The following PTK2 variants were observed in gnomAD, a reference collection of about 807,000 sequenced individuals.
PTK2 encodes the protein protein tyrosine kinase 2.
A neutral mutation model predicts 150.1 loss-of-function variants in PTK2; 45 were observed. The ratio of observed to expected loss-of-function variants is 0.30; its 90% CI spans 0.24 to 0.38. The LOEUF (loss-of-function observed/expected upper bound fraction) is 0.38, where lower values mean the gene tolerates loss of function less well. Ranked by LOEUF, PTK2 falls within the 10% of genes least tolerant of loss-of-function variation. The probability of loss-of-function intolerance (pLI) is 1.00; values close to 1 mark genes in which losing one functional copy is unlikely to be tolerated. For synonymous variants in PTK2, 432 were observed against 449.2 expected (o/e 0.96, Z 0.48); for missense variants, 919 against 1,307.3 (o/e 0.70, Z 4.58).
intron 2 of PTK2, among the ~76,000 whole-genome samples, chr8:140,920,483 A>C (rs909356286): frequency 1.3e-5 from 2 of 152,196 alleles, no homozygotes; most frequent in Non-Finnish European, 2.9e-5. Flanking sequence ...TTTAAGTTAA[A>C]ATTCCTCTTT....
chr8:140,775,937 C>T (rs533065773), intron 14 of PTK2, among the ~76,000 whole-genome samples: 1 of 152,268 alleles, frequency 6.6e-6, no homozygotes, highest in East Asian at 1.9e-4. Context: ...GCACCTAAAC[C>T]ACTAAAATAT....
At position 140,925,670 on chromosome 8, in the gene PTK2, G is replaced by A. The variant is rs746033794; in HGVS notation, c.-42C>T. The A allele has an allele frequency of 4.0e-4, 392 of 984,966 alleles. No homozygotes were observed. Among genetic ancestry groups the A allele is most frequent in the Non-Finnish European group, 4.4e-4 (367 of 829,738 alleles). The allele number at this position is 984,966 out of a possible 1,614,324, so 61.0% of individuals were successfully genotyped here. A position where few individuals can be genotyped will look rare whatever the true frequency, so the allele number is the denominator to read the frequency against. On this transcript the variant is annotated 5_prime_UTR_variant, in exon 2 of 32. It adds an upstream start codon to the 5' untranslated region. Transcript: ENST00000522684. ...TTAACCATTACTATACCTCCCTTCC[G>A]TTATTCTTGAGGAGCTCTGGGGAAA...
intron 2 of PTK2, among the ~76,000 whole-genome samples, chr8:140,906,191 C>T (rs1051601502): frequency 6.6e-6 from 1 of 151,842 alleles, no homozygotes. Flanking sequence ...AGTTGTAATA[C>T]CTATTATAAA....
chr8:140,725,978 A>G (rs566245052), intron 22 of PTK2, among the ~76,000 whole-genome samples: 1 of 152,336 alleles, frequency 6.6e-6, no homozygotes, highest in Admixed American at 6.5e-5. Flanking sequence ...CAAGGGTATA[A>G]AAGAAAATTT....
intron 22 of PTK2, among the ~76,000 whole-genome samples, chr8:140,732,994 T>C (rs774011477): frequency 2.0e-5 from 3 of 152,202 alleles, no homozygotes; most frequent in Non-Finnish European, 2.9e-5. Flanking sequence ...GAGGCCTAAA[T>C]GTTACTGTGG....
chr8:140,846,284 T>C, exon 7 of PTK2: 1 of 1,612,440 alleles, frequency 6.2e-7, no homozygotes, highest in Non-Finnish European at 8.5e-7. Context: ...GTTAGACTTC[T>C]TTTCTAGTGC....
intron 21 of PTK2, among the ~76,000 whole-genome samples, chr8:140,736,356 C>A (rs4537349): frequency 0.026 from 4,024 of 152,130 alleles, 159 homozygotes; most frequent in African/African-American, 0.091. Context: ...GAACAACAGA[C>A]AGCAGGGAAT....
At chr8:140,739,136 T>G (rs2100054226) in intron 20 of PTK2, 29 bp from the exon 24 acceptor site, 2 of 1,445,786 alleles carry the variant, frequency 1.4e-6, no homozygotes, top group Admixed American at 2.1e-5. Flanking sequence ...AAAATAAATT[T>G]TCCTTGTTAT....
At chr8:140,927,597 C>G (rs1402038900) in intron 1 of PTK2, among the ~76,000 whole-genome samples, 2 of 152,058 alleles carry the variant, frequency 1.3e-5, no homozygotes, top group Non-Finnish European at 2.9e-5. Context: ...GAAAAATCAA[C>G]AATATACATT....
At chr8:140,675,162 TTC>T (rs2100012881) in intron 28 of PTK2, among the ~76,000 whole-genome samples, 1 of 150,270 alleles carries the variant, frequency 6.7e-6, no homozygotes, top group Non-Finnish European at 1.5e-5. Context: ...AAGGAGGCAT[TTC>T]TTTCTTTTTT....
At chr8:140,779,240 C>A in intron 14 of PTK2, among the ~76,000 whole-genome samples, 1 of 120,916 alleles carries the variant, frequency 8.3e-6, no homozygotes, top group Admixed American at 9.8e-5. Flanking sequence ...CCAGCCTGGG[C>A]GATGGAAAAA....
rs2100033792 is a variant in PTK2 at position 140,706,328 on chromosome 8, A to C, written c.2143-123T>G. On this transcript the variant is annotated intron_variant, in intron 23 of 31. Coordinates refer to ENST00000522684, the Ensembl canonical transcript of PTK2. ...TGAAAAGAATGATAAAAAGATGCTA[A>C]GACATTTCAATAGGGAAAGAACAGT... 6 of 687,286 alleles carry C rather than the reference A, an allele frequency of 8.7e-6. No individual in the cohort carries two copies. The South Asian group carries it at 1.2e-4, about 14-fold the overall frequency. The allele number at this position is 687,286 out of a possible 1,614,324, so 42.6% of individuals were successfully genotyped here.
At chr8:140,846,487 A>G (rs901394757) in intron 6 of PTK2, 112 bp downstream of exon 6, 6 of 1,130,338 alleles carry the variant, frequency 5.3e-6, no homozygotes, top group Non-Finnish European at 7.8e-6. Flanking sequence ...CTCAAATTTT[A>G]TTCAGTATTT....
Position 140,902,948 on chromosome 8 carries a change from T to G in PTK2, c.-32-12179A>C, listed in dbSNP as rs1450305010. ...TGTTTTTTTTTTTTTTTTTTTTTTT[T>G]TTTTTTTTTTTGCCATGCAGAAGCT... On this transcript the variant is annotated intron_variant, in intron 2 of 31. Coordinates refer to ENST00000522684, the Ensembl canonical transcript of PTK2. 4.1e-3 allele frequency among the ~76,000 whole-genome samples: 588 copies of G among 143,508 alleles called. 16 individuals carry two copies. The highest frequency in any genetic ancestry group is 0.014 in the African/African-American group (550 of 39,638). 94.1% of individuals were successfully genotyped at this position (143,508 alleles called of 152,430 possible).
At chr8:140,848,428 T>C (rs2100127002) in intron 5 of PTK2, among the ~76,000 whole-genome samples, 1 of 142,316 alleles carries the variant, frequency 7.0e-6, no homozygotes, top group Admixed American at 7.4e-5. Flanking sequence ...TAAGGCTGGG[T>C]GCTCAATAAA....
chr8:140,671,641 C>A (rs1430054068), intron 29 of PTK2, among the ~76,000 whole-genome samples: 7 of 150,830 alleles, frequency 4.6e-5, no homozygotes, highest in African/African-American at 1.7e-4. Context: ...AGGTCGGGTG[C>A]GGTGGCTCAT....
intron 26 of PTK2, among the ~76,000 whole-genome samples, chr8:140,696,842 C>T (rs1191352695): frequency 6.6e-6 from 1 of 152,088 alleles, no homozygotes; most frequent in African/African-American, 2.4e-5. Flanking sequence ...AAGACATGGT[C>T]CATGGTCTCT....
chr8:140,688,974 A>G (rs894478168), intron 26 of PTK2, among the ~76,000 whole-genome samples: 2 of 152,214 alleles, frequency 1.3e-5, no homozygotes, highest in Non-Finnish European at 2.9e-5. Flanking sequence ...GGACTATCCC[A>G]TTAGATATAG....
intron 28 of PTK2, 172 bp downstream of exon 31, chr8:140,675,288 T>G: frequency 1.4e-6 from 1 of 702,856 alleles, no homozygotes; most frequent in Non-Finnish European, 2.4e-6. Context: ...AACAAATTCT[T>G]TTTCCCAATA....
Sources: allele counts gnomAD v4.1 joint callset (sites outside exome capture counted in the v4.1 genomes callset), GRCh38; gene constraint gnomAD v4.1.1; transcripts MANE v1.5; gene names NCBI Gene and HGNC (gene_info 2026-07-23, HGNC 2026-07-21).